Variants in RXFP1 observed in about 807,000 individuals in gnomAD.
The protein encoded by RXFP1 is relaxin family peptide receptor 1.
RXFP1 carries 73 observed loss-of-function variants against 89.8 expected under a neutral mutation model. That is an observed-to-expected ratio of 0.81 (90% CI 0.67 to 0.99). The LOEUF is 0.99. RXFP1 is among the 50% of genes least tolerant of loss of function. RXFP1 has a pLI of 0.00. For synonymous variants in RXFP1, 277 were observed against 305.5 expected (o/e 0.91, Z 0.97); for missense variants, 793 against 895.5 (o/e 0.89, Z 1.46).
At chr4:158,638,546 A>G (rs1318120208) in intron 13 of RXFP1, among the ~76,000 whole-genome samples, 1 of 152,182 alleles carries the variant, frequency 6.6e-6, no homozygotes, top group Non-Finnish European at 1.5e-5. Context: ...AGTGGTTCAC[A>G]CCTGTAAACT....
At chr4:158,547,808 T>A (rs1458443039) in intron 1 of RXFP1, among the ~76,000 whole-genome samples, 2 of 152,240 alleles carry the variant, frequency 1.3e-5, no homozygotes, top group South Asian at 2.1e-4. Flanking sequence ...CACTGTGGTC[T>A]GAGAGACAGT....
At chr4:158,592,499 A>G (rs28674480) in intron 2 of RXFP1, among the ~76,000 whole-genome samples, 46,235 of 151,980 alleles carry the variant, frequency 0.3, 12,650 homozygotes, top group African/African-American at 0.73. Context: ...ACTTGAGCCT[A>G]GGACACAGAG....
intron 1 of RXFP1, chr4:158,544,160 T>G (rs1579465625): frequency 2.0e-6 from 2 of 983,824 alleles, no homozygotes; most frequent in South Asian, 9.4e-5. Context: ...ACCACTGTCT[T>G]CATTGGAAAT....
chr4:158,572,942 A>C, intron 2 of RXFP1, 107 bp downstream of exon 2: 6 of 1,455,270 alleles, frequency 4.1e-6, no homozygotes, highest in Admixed American at 2.1e-5. Flanking sequence ...TTGAAATACA[A>C]AACATATGTT....
chr4:158,642,476 C>T (rs1770567623), intron 14 of RXFP1, among the ~76,000 whole-genome samples: 3 of 152,098 alleles, frequency 2.0e-5, no homozygotes, highest in South Asian at 2.1e-4. Context: ...CTGTAGTATC[C>T]TCTGTTCTAC....
chr4:158,610,056 G>A (rs1763272672), intron 6 of RXFP1, among the ~76,000 whole-genome samples: 1 of 152,136 alleles, frequency 6.6e-6, no homozygotes, highest in African/African-American at 2.4e-5. Flanking sequence ...ACGAGGTCAG[G>A]AGATGGAGAC....
intron 4 of RXFP1, among the ~76,000 whole-genome samples, chr4:158,603,533 C>T (rs984809325): frequency 6.6e-6 from 1 of 151,976 alleles, no homozygotes; most frequent in Non-Finnish European, 1.5e-5. Context: ...TATTGTTTCC[C>T]TTCCCCCAGG....
chr4:158,630,450 A>G (rs548581914), intron 11 of RXFP1, among the ~76,000 whole-genome samples: 1 of 152,330 alleles, frequency 6.6e-6, no homozygotes, highest in East Asian at 1.9e-4. Context: ...AATACTAACT[A>G]TATACTTTTT....
chr4:158,625,280 C>T (rs984679764), intron 9 of RXFP1, among the ~76,000 whole-genome samples: 2 of 152,050 alleles, frequency 1.3e-5, no homozygotes, highest in Non-Finnish European at 2.9e-5. Context: ...CTAGAATCCA[C>T]ATTTAAGATT....
intron 2 of RXFP1, among the ~76,000 whole-genome samples, chr4:158,580,793 C>T (rs765665077): frequency 2.0e-5 from 3 of 152,050 alleles, no homozygotes; most frequent in Admixed American, 2.0e-4. Flanking sequence ...CTATGCATGA[C>T]TACTTTTTTT....
chr4:158,587,916 T>TA (rs149518502), intron 2 of RXFP1, among the ~76,000 whole-genome samples: 19 of 152,116 alleles, frequency 1.2e-4, no homozygotes, highest in African/African-American at 4.3e-4. Flanking sequence ...CAGCCTCTCT[T>TA]AAAAGGGGTG....
chr4:158,637,454 T>C (rs1045464053), intron 12 of RXFP1, among the ~76,000 whole-genome samples: 4 of 152,222 alleles, frequency 2.6e-5, no homozygotes, highest in African/African-American at 9.6e-5. Context: ...TGAGGTAATA[T>C]TGTGGTTTCA....
chr4:158,622,062 A>G (rs1337313899), intron 9 of RXFP1, among the ~76,000 whole-genome samples: 1 of 152,200 alleles, frequency 6.6e-6, no homozygotes, highest in Non-Finnish European at 1.5e-5. Flanking sequence ...TGTAATCCCA[A>G]CACTGTGGGT....
intron 9 of RXFP1, among the ~76,000 whole-genome samples, chr4:158,622,699 A>G (rs957842121): frequency 1.3e-4 from 20 of 152,174 alleles, no homozygotes; most frequent in East Asian, 5.8e-4. Context: ...AATCGTGGCT[A>G]TGGGTCATGG....
chr4:158,554,271 C>A (rs565983062), intron 1 of RXFP1, among the ~76,000 whole-genome samples: 1 of 152,024 alleles, frequency 6.6e-6, no homozygotes, highest in Non-Finnish European at 1.5e-5. Flanking sequence ...CTGTAAATAA[C>A]GTCAGAGTTT....
In RXFP1 at chr4:158,628,682, T is replaced by C. The variant is rs746401693; in HGVS notation, c.872T>C (p.Phe291Ser). Residue 291 changes from phenylalanine (F) to serine (S), a missense_variant, in exon 11 of 18, where the codon TTT (phenylalanine) becomes TCT (serine). Transcript: ENST00000307765. ...NKINHLNENT[F>S]APLQKLDELD... ...ATTAATCACTTAAATGAAAATACTT[T>C]TGCACCTCTCCAGAAACTGGATGAA... The C allele has an allele frequency of 1.9e-6, 3 of 1,579,754 alleles. No homozygotes were observed. Among genetic ancestry groups the C allele is most frequent in the Non-Finnish European group, 2.6e-6 (3 of 1,151,812 alleles).
intron 1 of RXFP1, among the ~76,000 whole-genome samples, chr4:158,571,086 G>C (rs1162564236): frequency 2.6e-5 from 4 of 152,150 alleles, no homozygotes; most frequent in African/African-American, 4.8e-5. Context: ...CCAGCACACA[G>C]TTATTTTCCA....
intron 1 of RXFP1, among the ~76,000 whole-genome samples, chr4:158,540,165 C>A (rs145564143): frequency 1.3e-5 from 2 of 151,028 alleles, no homozygotes; most frequent in African/African-American, 4.9e-5. Flanking sequence ...AAAGTGAAAG[C>A]AAGTTTATTA....
chr4:158,564,031 A>T (rs1396094850), intron 1 of RXFP1, among the ~76,000 whole-genome samples: 1 of 151,404 alleles, frequency 6.6e-6, no homozygotes. Flanking sequence ...AATTACTTTA[A>T]AAAAAACTTA....
Sources: gnomAD v4.1 joint callset for allele counts (sites outside exome capture counted in the v4.1 genomes callset) on GRCh38, gnomAD v4.1.1 for gene constraint, MANE v1.5 for transcripts, NCBI Gene and HGNC (gene_info 2026-07-23, HGNC 2026-07-21) for gene names.